Variants in SGO2 observed in about 807,000 individuals in gnomAD.
The protein encoded by SGO2 is shugoshin-like 2.
A neutral mutation model predicts 99.5 loss-of-function variants in SGO2; 68 were observed. The observed-to-expected ratio is 0.68, with a 90% CI of 0.56 to 0.84. The LOEUF is 0.84. SGO2 is among the 40% of genes least tolerant of loss of function. SGO2 has a pLI of 0.00. For synonymous variants in SGO2, 457 were observed against 487.1 expected, an observed-to-expected ratio of 0.94 and a Z score of 0.81; for missense variants, 1,350 against 1,436.7, an observed-to-expected ratio of 0.94 and a Z score of 0.97.
chr2:200,553,043 G>GATAAT (rs1259802962), intron 5 of SGO2, among the ~76,000 whole-genome samples: 1 of 152,128 alleles, frequency 6.6e-6, no homozygotes, highest in Non-Finnish European at 1.5e-5. Flanking sequence ...GAATAGGGGT[G>GATAAT]ATAATATTCC....
chr2:200,533,950 G>T (rs542557029), intron 2 of SGO2, among the ~76,000 whole-genome samples: 4 of 152,142 alleles, frequency 2.6e-5, no homozygotes, highest in Non-Finnish European at 5.9e-5. Flanking sequence ...TGACTTTGAG[G>T]AGTACAACAG....
chr2:200,578,150 CTATAGATATAGA>C (rs71022324), intron 8 of SGO2, among the ~76,000 whole-genome samples: 2 of 143,474 alleles, frequency 1.4e-5, no homozygotes, highest in Admixed American at 7.1e-5. Flanking sequence ...GTTGTCTTTT[CTATAGATATAGA>C]TATAGATATA....
Position 200,557,470 on chromosome 2 carries a change from A to G in SGO2, c.474-12193A>G, listed in dbSNP as rs143337116. On this transcript the variant is annotated intron_variant, in intron 5 of 8. Coordinates refer to ENST00000357799, the MANE Select transcript of SGO2 (RefSeq NM_152524.6). ...AGTATCATCCCTTCATGGTTTGCCA[A>G]GAAGATGTTATTGGAAAGCGTCCTG... is the stretch of plus-strand genomic sequence containing the variant. Among the ~76,000 whole-genome samples, 215 of 152,216 alleles carry G rather than the reference A, an allele frequency of 1.4e-3. 5 individuals carry two copies. In the South Asian group the frequency reaches 0.025, roughly 17 times the overall value.
chr2:200,558,026 G>A (rs958608406), intron 5 of SGO2, among the ~76,000 whole-genome samples: 2 of 151,958 alleles, frequency 1.3e-5, no homozygotes, highest in African/African-American at 4.8e-5. Flanking sequence ...ATCACACCCA[G>A]CTAATTTTTG....
At chr2:200,556,944 C>T (rs1235184814) in intron 5 of SGO2, among the ~76,000 whole-genome samples, 1 of 152,122 alleles carries the variant, frequency 6.6e-6, no homozygotes, top group Non-Finnish European at 1.5e-5. Context: ...CCACTCATTG[C>T]AATGACACTG....
Position 200,572,687 on chromosome 2 carries a change from G to C in SGO2, c.2341G>C (p.Glu781Gln), listed in dbSNP as rs755714768. The change falls in exon 7 of 9, where the codon GAG (glutamate) becomes CAG (glutamine). Residue 781 changes from glutamate (E) to glutamine (Q), a missense_variant. Physicochemically the swap from Glu to Gln is conservative, Grantham distance 29 (BLOSUM62 2). Coordinates refer to ENST00000357799, the MANE Select transcript of SGO2 (RefSeq NM_152524.6). ...AGATAGTGGAAACCTGTATGATTCT[G>C]AGATTCAAAATGTTTTGGGGGTGAA... ...TKDSGNLYDS[E>Q]IQNVLGVKHG... 6.2e-7 allele frequency: 1 copy of C among 1,612,116 alleles called. No individual in the cohort carries two copies. The highest frequency in any genetic ancestry group is 1.1e-5 in the South Asian group (1 of 90,602).
chr2:200,574,144 A>G (rs1209162386), intron 7 of SGO2, among the ~76,000 whole-genome samples, 167 bp downstream of exon 7: 1 of 152,100 alleles, frequency 6.6e-6, no homozygotes, highest in Non-Finnish European at 1.5e-5. Flanking sequence ...AGGAATAAAG[A>G]AAGTTTCATA....
chr2:200,533,771 G>T (rs901515924), intron 2 of SGO2, among the ~76,000 whole-genome samples: 22 of 152,176 alleles, frequency 1.4e-4, no homozygotes, highest in African/African-American at 5.1e-4. Flanking sequence ...TGCTGATATA[G>T]CTCCTGCGAA....
At chr2:200,557,865 CT>C (rs796257056) in intron 5 of SGO2, among the ~76,000 whole-genome samples, 22,426 of 129,620 alleles carry the variant, frequency 0.17, 1,051 homozygotes, top group Non-Finnish European at 0.19. Flanking sequence ...GCATTGGCTA[CT>C]TTTTTTTTTT....
intron 5 of SGO2, among the ~76,000 whole-genome samples, chr2:200,563,352 G>C (rs534679624): frequency 6.6e-6 from 1 of 152,252 alleles, no homozygotes; most frequent in African/African-American, 2.4e-5. Context: ...TTATATGCTG[G>C]ATTACGTTTA....
chr2:200,576,110 C>A, intron 8 of SGO2: 2 of 381,780 alleles, frequency 5.2e-6, no homozygotes, highest in South Asian at 2.0e-5. Context: ...TCACATCTAA[C>A]AAAAAAGAAT....
chr2:200,536,212 A>G, intron 4 of SGO2, 70 bp downstream of exon 4: 2 of 953,602 alleles, frequency 2.1e-6, no homozygotes, highest in East Asian at 5.1e-5. Flanking sequence ...TACTTAAATA[A>G]CATCAAGGTT....
At chr2:200,529,289 T>C (rs1322466182) in intron 1 of SGO2, among the ~76,000 whole-genome samples, 2 of 152,222 alleles carry the variant, frequency 1.3e-5, no homozygotes, top group African/African-American at 4.8e-5. Context: ...AAGTTTTTAG[T>C]TTCTAAGACT....
chr2:200,556,303 T>C lies in SGO2; in HGVS notation c.474-13360T>C, dbSNP rs118002889. Among the ~76,000 whole-genome samples, 27 of 152,334 alleles carry C rather than the reference T, an allele frequency of 1.8e-4. No homozygotes were observed. In the East Asian group the frequency reaches 5.0e-3, roughly 28 times the overall value. On this transcript the variant is annotated intron_variant, in intron 5 of 8. Coordinates refer to ENST00000357799, the MANE Select transcript of SGO2 (RefSeq NM_152524.6). ...TTAATTATCTACTGACTTTTAGTCA[T>C]AGTGCTCTTTTAAAAAGTCCTTTTA...
chr2:200,571,853 A>G lies in SGO2; in HGVS notation c.1507A>G (p.Thr503Ala). 1 of 1,613,582 alleles carries G rather than the reference A, an allele frequency of 6.2e-7. No homozygotes were observed. Among genetic ancestry groups the G allele is most frequent in the Non-Finnish European group, 8.5e-7 (1 of 1,179,634 alleles). ...EKRITNEQEETYSLSQSSGKF... is the reference protein window; with the variant it reads ...EKRITNEQEEAYSLSQSSGKF... Reference sequence around the variant, plus strand: ...AAGAATAACAAATGAGCAAGAGGAAACATACTCTTTATCCCAAAGTTCAGG... The same window carrying G: ...AAGAATAACAAATGAGCAAGAGGAAGCATACTCTTTATCCCAAAGTTCAGG... The change falls in exon 7 of 9, where the codon ACA becomes GCA. Residue 503 changes from threonine to alanine, a missense_variant. Transcript: ENST00000357799.
At chr2:200,569,637 C>G in intron 5 of SGO2, 26 bp from the exon 6 acceptor site, 1 of 1,530,658 alleles carries the variant, frequency 6.5e-7, no homozygotes, top group Non-Finnish European at 8.9e-7. Context: ...CACATAATTT[C>G]TCATTTCCTT....
At chr2:200,579,003 C>T (rs2033753788) in intron 8 of SGO2, among the ~76,000 whole-genome samples, 1 of 152,120 alleles carries the variant, frequency 6.6e-6, no homozygotes, top group South Asian at 2.1e-4. Flanking sequence ...AGCTGTATCC[C>T]TGACCTCCAT....
At chr2:200,566,986 G>A (rs977478019) in intron 5 of SGO2, among the ~76,000 whole-genome samples, 12 of 152,190 alleles carry the variant, frequency 7.9e-5, no homozygotes, top group Non-Finnish European at 1.3e-4. Flanking sequence ...CCCTTGGCTA[G>A]GAAAGGGAAT....
intron 5 of SGO2, among the ~76,000 whole-genome samples, chr2:200,566,104 G>A (rs35384270): frequency 0.22 from 33,297 of 152,128 alleles, 3,867 homozygotes; most frequent in Middle Eastern, 0.3. Flanking sequence ...GCTTTGTTCC[G>A]TGGCTGGCAA....
Sources: gnomAD v4.1 joint callset for allele counts (sites outside exome capture counted in the v4.1 genomes callset) on GRCh38, gnomAD v4.1.1 for gene constraint, MANE v1.5 for transcripts, NCBI Gene and HGNC (gene_info 2026-07-23, HGNC 2026-07-21) for gene names.